Variants in HS6ST2 observed in about 807,000 individuals in gnomAD.
HS6ST2 encodes the protein heparan sulfate 6-O-sulfotransferase 2.
Under a neutral mutation model 33.0 loss-of-function variants are expected in HS6ST2, and 17 were observed. That is an observed-to-expected ratio of 0.52 (90% CI 0.35 to 0.77). The LOEUF (loss-of-function observed/expected upper bound fraction) is 0.77. Ranked by LOEUF, HS6ST2 falls within the 30% of genes least tolerant of loss-of-function variation. The probability of loss-of-function intolerance (pLI) is 0.01; values close to 1 mark genes in which losing one functional copy is unlikely to be tolerated. For missense variants in HS6ST2, 519 were observed against 551.7 expected, an observed-to-expected ratio of 0.94 and a Z score of 0.59; for synonymous variants, 248 against 237.1, an observed-to-expected ratio of 1.05 and a Z score of -0.42.
intron 2 of HS6ST2, among the ~76,000 whole-genome samples, chrX:132,915,982 C>T (rs1416892315): frequency 9.1e-6 from 1 of 110,426 alleles, no homozygotes; most frequent in African/African-American, 3.3e-5. Flanking sequence ...ATCCACCTGC[C>T]TCGGCCTCCC....
intron 4 of HS6ST2, among the ~76,000 whole-genome samples, chrX:132,655,826 T>C (rs2063726597): frequency 8.9e-6 from 1 of 111,864 alleles, no homozygotes. Context: ...AATGTGTATG[T>C]ATAGCATACA....
intron 2 of HS6ST2, among the ~76,000 whole-genome samples, chrX:132,831,777 G>C (rs1210571210): frequency 8.9e-6 from 1 of 112,091 alleles, no homozygotes. Flanking sequence ...AAAGCAACAG[G>C]ATGAATCTGA....
rs2066682260 is a variant in HS6ST2, at chrX:132,923,877, A to G, written c.947+32931T>C. On this transcript the variant is annotated intron_variant, in intron 2 of 4. Coordinates refer to ENST00000370833, the MANE Select transcript of HS6ST2 (RefSeq NM_001394073.1). Reference sequence around the variant, plus strand: ...TTCACATTTGCAATTAAAAAAACAAATCTCTAAGCATCAAGAAATATCCAT... The same window carrying G: ...TTCACATTTGCAATTAAAAAAACAAGTCTCTAAGCATCAAGAAATATCCAT... 2.7e-5 allele frequency among the ~76,000 whole-genome samples: 3 copies of G among 112,020 alleles called. No homozygotes were observed. The South Asian group carries it at 1.1e-3, about 42-fold the overall frequency.
chrX:132,898,489 G>T (rs895428534), intron 2 of HS6ST2, among the ~76,000 whole-genome samples: 17 of 106,100 alleles, frequency 1.6e-4, no homozygotes, highest in Non-Finnish European at 2.1e-4. Flanking sequence ...TCACAAAAAC[G>T]TATTAACAAC....
chrX:132,658,040 A>G (rs1325360955), intron 4 of HS6ST2, among the ~76,000 whole-genome samples: 1 of 110,185 alleles, frequency 9.1e-6, no homozygotes, highest in East Asian at 2.9e-4. Flanking sequence ...AGCCACTTGG[A>G]AGCAAGCCCA....
chrX:132,717,892 C>T (rs780618453), intron 2 of HS6ST2, among the ~76,000 whole-genome samples: 2 of 111,717 alleles, frequency 1.8e-5, no homozygotes, highest in East Asian at 5.6e-4. Flanking sequence ...AACAGGTATC[C>T]TTTTATTGGA....
At chrX:132,758,470 A>G (rs1392439964) in intron 2 of HS6ST2, 1 of 111,909 alleles carries the variant, frequency 8.9e-6, no homozygotes, top group Non-Finnish European at 1.9e-5. Flanking sequence ...GGTTTGTCCA[A>G]TTACGTTAGT....
At chrX:132,772,393 G>A (rs1264558296) in intron 2 of HS6ST2, among the ~76,000 whole-genome samples, 1 of 109,556 alleles carries the variant, frequency 9.1e-6, no homozygotes, top group Non-Finnish European at 1.9e-5. Context: ...GCTTTATGAG[G>A]AAATAAAACA....
chrX:132,658,115 G>A (rs1482447888), intron 4 of HS6ST2, among the ~76,000 whole-genome samples: 2 of 110,761 alleles, frequency 1.8e-5, no homozygotes, highest in African/African-American at 6.6e-5. Context: ...AGACTCCAAA[G>A]CTGGGAGAAT....
intron 2 of HS6ST2, among the ~76,000 whole-genome samples, chrX:132,851,859 G>A (rs963034906): frequency 4.5e-5 from 5 of 111,685 alleles, no homozygotes; most frequent in African/African-American, 1.6e-4. Context: ...AAGGTTGTGA[G>A]GCCAGGCAGG....
chrX:132,858,769 C>G (rs1331906941), intron 2 of HS6ST2, among the ~76,000 whole-genome samples: 1 of 112,354 alleles, frequency 8.9e-6, no homozygotes, highest in Non-Finnish European at 1.9e-5. Flanking sequence ...TTCATCTATT[C>G]TCTCCCTTGT....
chrX:132,628,413 T>C lies in HS6ST2; in HGVS notation c.1748A>G (p.Gln583Arg). The C allele has an allele frequency of 8.3e-7, 1 of 1,203,239 alleles. No individual in the cohort carries two copies. The highest frequency in any genetic ancestry group is 3.0e-5 in the East Asian group (1 of 33,643). ...QGQGQSQNPN[Q>R]NQSQNPNPNA... The stretch of plus-strand genomic sequence containing the variant: ...CGGATTTGGGTTCTGACTCTGATTC[T>C]GATTCGGATTCTGGCTCTGGCCCTG... The change falls in exon 5 of 5, where the codon CAG becomes CGG. Residue 583 changes from glutamine (Q) to arginine (R), a missense_variant. Gln to Arg is a conservative substitution (Grantham distance 43). Coordinates refer to ENST00000370833, the MANE Select transcript of HS6ST2 (RefSeq NM_001394073.1).
intron 2 of HS6ST2, among the ~76,000 whole-genome samples, chrX:132,863,959 G>C (rs2065940418): frequency 9.0e-6 from 1 of 111,236 alleles, no homozygotes; most frequent in Non-Finnish European, 1.9e-5. Context: ...AGGCAAACAG[G>C]GTCTGGACTG....
At chrX:132,792,520 A>G (rs1403555027) in intron 2 of HS6ST2, among the ~76,000 whole-genome samples, 1 of 112,274 alleles carries the variant, frequency 8.9e-6, no homozygotes. Flanking sequence ...TTCACATACC[A>G]TACAATTCTC....
chrX:132,770,385 A>G (rs565597969), intron 2 of HS6ST2, among the ~76,000 whole-genome samples: 1 of 111,813 alleles, frequency 8.9e-6, no homozygotes, highest in African/African-American at 3.2e-5. Context: ...TAGTTCATCC[A>G]TGCATCACTC....
chrX:132,662,713 C>G (rs922996266), intron 4 of HS6ST2, among the ~76,000 whole-genome samples: 1 of 112,536 alleles, frequency 8.9e-6, no homozygotes, highest in African/African-American at 3.2e-5. Flanking sequence ...CTAACCATCA[C>G]AGAGATGCAG....
Position 132,922,396 on chromosome X carries a change from G to A in HS6ST2, c.947+34412C>T, listed in dbSNP as rs760812925. ...TTGTCCACAGGTGCCCAATGATGCC[G>A]GTTGTCTCCATTTATTCCACCTCTT... On this transcript the variant is annotated intron_variant, in intron 2 of 4. Coordinates refer to ENST00000370833, the MANE Select transcript of HS6ST2 (RefSeq NM_001394073.1). Among the ~76,000 whole-genome samples, 15 of 111,982 alleles carry A rather than the reference G, an allele frequency of 1.3e-4. No homozygotes were observed. The South Asian group carries it at 1.5e-3, about 11-fold the overall frequency.
intron 2 of HS6ST2, among the ~76,000 whole-genome samples, chrX:132,751,491 G>A (rs1369433369): frequency 1.8e-5 from 2 of 112,125 alleles, no homozygotes; most frequent in Non-Finnish European, 3.8e-5. Context: ...TGAGTGCAAA[G>A]CCCAGACAGG....
rs2063910466 is a variant in HS6ST2, at chrX:132,674,764, G to C, written c.981-5565C>G. The stretch of plus-strand genomic sequence containing the variant: ...ACAAACTATCAGAGGCCAATAGAAC[G>C]GTATCTAACAATTGTAAGTGGTATT... On this transcript the variant is annotated intron_variant, in intron 3 of 4. Coordinates refer to ENST00000370833, the MANE Select transcript of HS6ST2 (RefSeq NM_001394073.1). Among the ~76,000 whole-genome samples, 4 of 111,948 alleles carry C rather than the reference G, an allele frequency of 3.6e-5. No individual in the cohort carries two copies. In the South Asian group the frequency reaches 1.5e-3, roughly 42 times the overall value.
Sources: gnomAD v4.1 joint callset for allele counts (sites outside exome capture counted in the v4.1 genomes callset) on GRCh38, gnomAD v4.1.1 for gene constraint, MANE v1.5 for transcripts, NCBI Gene and HGNC (gene_info 2026-07-23, HGNC 2026-07-21) for gene names.